SGMS2: variants seen among roughly 807,000 people sequenced by gnomAD.
SGMS2 encodes sphingomyelin synthase 2, also known as phosphatidylcholine:ceramide cholinephosphotransferase 2.
In SGMS2, 21 loss-of-function variants were observed where a neutral mutation model predicts 43.8. That is an observed-to-expected ratio of 0.48 (90% confidence interval 0.34 to 0.69). SGMS2 has a LOEUF of 0.69. SGMS2 is among the 30% of genes least tolerant of loss of function. SGMS2 has a pLI of 0.01. For synonymous variants in SGMS2, 167 were observed against 160.6 expected, an observed-to-expected ratio of 1.04 and a Z score of -0.30; for missense variants, 384 against 443.2, an observed-to-expected ratio of 0.87 and a Z score of 1.20.
intron 2 of SGMS2, among the ~76,000 whole-genome samples, chr4:107,892,372 ATAG>A (rs1165025988): frequency 1.3e-5 from 2 of 152,102 alleles, no homozygotes; most frequent in Non-Finnish European, 2.9e-5. Context: ...AGCCATAAAG[ATAG>A]CCCAAGGTTG....
rs1212002279 is a variant in SGMS2 at position 107,885,690 on chromosome 4, C to G, written c.-244-9620C>G. On this transcript the variant is annotated intron_variant, in intron 2 of 6. Coordinates refer to ENST00000690982, the MANE Select transcript of SGMS2 (RefSeq NM_001375905.1). Reference sequence around the variant, plus strand: ...TGAAAACAAAACAGGCAGGTAATGACTAAAAGGCAGAAAAGAATATATATG... The same window carrying G: ...TGAAAACAAAACAGGCAGGTAATGAGTAAAAGGCAGAAAAGAATATATATG... Among the ~76,000 whole-genome samples the G allele has an allele frequency of 3.3e-5, 5 of 152,098 alleles. No individual in the cohort carries two copies. In the East Asian group the frequency reaches 9.6e-4, roughly 29 times the overall value.
chr4:107,875,811 G>C (rs1560652977), intron 2 of SGMS2, among the ~76,000 whole-genome samples: 1 of 152,144 alleles, frequency 6.6e-6, no homozygotes, highest in South Asian at 2.1e-4. Flanking sequence ...AGGATTTACA[G>C]TCCTTTCTGG....
At position 107,861,039 on chromosome 4, in the gene SGMS2, G is replaced by A. The variant is rs75935803; in HGVS notation, c.-245+2486G>A. On this transcript the variant is annotated intron_variant, in intron 2 of 6. Coordinates refer to ENST00000690982, the MANE Select transcript of SGMS2 (RefSeq NM_001375905.1). ...TTTCTCCAACCAGACTGCAAGCTTT[G>A]TGAGGCCAGGGACTAGGTCGGTCTC... 5.2e-3 allele frequency among the ~76,000 whole-genome samples: 791 copies of A among 152,294 alleles called. 8 individuals are homozygous for A. Among genetic ancestry groups the A allele is most frequent in the African/African-American group, 0.018 (750 of 41,562 alleles).
At chr4:107,862,846 A>G (rs1419740767) in intron 2 of SGMS2, among the ~76,000 whole-genome samples, 1 of 152,196 alleles carries the variant, frequency 6.6e-6, no homozygotes, top group Non-Finnish European at 1.5e-5. Flanking sequence ...AGTGATTCAG[A>G]TGTTCTGAAC....
At chr4:107,886,610 T>G (rs1461136467) in intron 2 of SGMS2, 1 of 152,016 alleles carries the variant, frequency 6.6e-6, no homozygotes, top group Non-Finnish European at 1.5e-5. Flanking sequence ...CCTCTTGAGG[T>G]TCTAAGATAA....
At position 107,895,590 on chromosome 4, in the gene SGMS2, T is replaced by A; in HGVS notation, c.37T>A (p.Leu13Met). The change falls in exon 3 of 7, where the codon TTG becomes ATG. Residue 13 changes from leucine (L) to methionine (M), a missense_variant. Coordinates refer to ENST00000690982, the MANE Select transcript of SGMS2 (RefSeq NM_001375905.1). Reference protein sequence around the residue: ...IIETAKLEEHLENQPSDPTNT... With the variant: ...IIETAKLEEHMENQPSDPTNT... ...AGAGACAGCAAAACTTGAAGAACAT[T>A]TGGAAAATCAACCCAGTGATCCTAC... The A allele has an allele frequency of 6.2e-7, 1 of 1,613,798 alleles. No homozygotes were observed. The highest frequency in any genetic ancestry group is 8.5e-7 in the Non-Finnish European group (1 of 1,179,870).
At chr4:107,853,664 C>T (rs1727275497) in intron 1 of SGMS2, among the ~76,000 whole-genome samples, 1 of 152,154 alleles carries the variant, frequency 6.6e-6, no homozygotes, top group South Asian at 2.1e-4. Flanking sequence ...GGGAGTTAGT[C>T]AGTGAACAAA....
intron 2 of SGMS2, among the ~76,000 whole-genome samples, chr4:107,894,747 T>C (rs1730520992): frequency 6.6e-6 from 1 of 152,180 alleles, no homozygotes; most frequent in Non-Finnish European, 1.5e-5. Context: ...GCTGTGCCAT[T>C]TTAAAAATCT....
chr4:107,900,218 T>G (rs1305612964), intron 4 of SGMS2, among the ~76,000 whole-genome samples: 1 of 152,130 alleles, frequency 6.6e-6, no homozygotes, highest in African/African-American at 2.4e-5. Context: ...ACGAGGCATT[T>G]GGGCAGGAAC....
chr4:107,837,450 G>A (rs954097227), intron 1 of SGMS2, among the ~76,000 whole-genome samples: 4 of 152,150 alleles, frequency 2.6e-5, no homozygotes, highest in Non-Finnish European at 4.4e-5. Context: ...GGGAAAAAGC[G>A]TGATTACACA....
chr4:107,899,638 A>G lies in SGMS2; in HGVS notation c.519A>G (p.Thr173=), dbSNP rs1219895110. 1.2e-6 allele frequency: 2 copies of G among 1,613,124 alleles called. No homozygotes were observed. Among genetic ancestry groups the G allele is most frequent in the East Asian group, 2.2e-5 (1 of 44,796 alleles). ...CTTTATACCTGTATCGCTGCATTAC[A>G]ATGTATGTTACTACTCTACCTGTGC... ...IGTLYLYRCI[T]MYVTTLPVPG... Residue 173 remains threonine, a synonymous_variant, in exon 4 of 7, where the codon ACA becomes ACG. Coordinates refer to ENST00000690982, the MANE Select transcript of SGMS2 (RefSeq NM_001375905.1).
At chr4:107,867,636 CTG>C (rs1476505875) in intron 2 of SGMS2, 1 of 152,170 alleles carries the variant, frequency 6.6e-6, no homozygotes, top group Non-Finnish European at 1.5e-5. Context: ...CTTGATATCT[CTG>C]TGCTCATCTG....
intron 2 of SGMS2, among the ~76,000 whole-genome samples, chr4:107,879,108 A>ATTTTT (rs373759605): frequency 2.1e-5 from 3 of 142,292 alleles, no homozygotes; most frequent in Non-Finnish European, 1.5e-5. Flanking sequence ...CTACCTGGCC[A>ATTTTT]TTTTTTTTTT....
chr4:107,869,901 T>C (rs1728430032), intron 2 of SGMS2, among the ~76,000 whole-genome samples: 1 of 152,168 alleles, frequency 6.6e-6, no homozygotes, highest in African/African-American at 2.4e-5. Flanking sequence ...TAGGGAGCCA[T>C]TTAAGGTCTT....
intron 2 of SGMS2, among the ~76,000 whole-genome samples, chr4:107,885,220 T>C (rs1729654460): frequency 1.5e-5 from 2 of 137,256 alleles, no homozygotes; most frequent in Admixed American, 1.4e-4. Flanking sequence ...TGCTAGTGTT[T>C]TGTTACATTT....
rs1475153423 is a variant in SGMS2, at chr4:107,912,454, G to C, written c.*1901G>C. Reference sequence around the variant, plus strand: ...TTCGCTTATATTCATTTATTAACTAGCAACACTTGTGCAAGAACAAGGTAT... The same window carrying C: ...TTCGCTTATATTCATTTATTAACTACCAACACTTGTGCAAGAACAAGGTAT... On this transcript the variant is annotated 3_prime_UTR_variant, in exon 7 of 7. Coordinates refer to ENST00000690982, the MANE Select transcript of SGMS2 (RefSeq NM_001375905.1). The C allele has an allele frequency of 1.3e-5, 2 of 152,008 alleles. No homozygotes were observed. The highest frequency in any genetic ancestry group is 1.3e-4 in the Admixed American group (2 of 15,240). The allele number at this position is 152,008 out of a possible 1,614,324, so 9.4% of individuals were successfully genotyped here.
rs147262789 is a variant in SGMS2 at position 107,863,619 on chromosome 4, T to G, written c.-245+5066T>G. 2.8e-4 allele frequency: 43 copies of G among 152,344 alleles called. 1 individual carries two copies. The highest frequency in any genetic ancestry group is 9.4e-4 in the African/African-American group (39 of 41,576). The allele number at this position is 152,344 out of a possible 1,614,324, so 9.4% of individuals were successfully genotyped here. Reference sequence around the variant, plus strand: ...ATGTATCAAAAAATGACCTCAGGGTTATGCAGCGGAAAGGCCATGCGATCA... The same window carrying G: ...ATGTATCAAAAAATGACCTCAGGGTGATGCAGCGGAAAGGCCATGCGATCA... On this transcript the variant is annotated intron_variant, in intron 2 of 6. Transcript: ENST00000690982.
intron 2 of SGMS2, among the ~76,000 whole-genome samples, chr4:107,891,129 TC>T (rs34978742): frequency 0.73 from 109,736 of 150,744 alleles, 41,201 homozygotes; most frequent in African/African-American, 0.91. Flanking sequence ...GCTGTTTTTC[TC>T]CCCCCCATTA....
In SGMS2 at chr4:107,911,870, T is replaced by C. The variant is rs559759288; in HGVS notation, c.*1317T>C. ...TAGTGCATTATTTAATGCTATTGGA[T>C]CTTTTGGATAATTCTTGGCTTAATT... On this transcript the variant is annotated 3_prime_UTR_variant, in exon 7 of 7. Coordinates refer to ENST00000690982, the MANE Select transcript of SGMS2 (RefSeq NM_001375905.1). 1.6e-4 allele frequency: 24 copies of C among 151,764 alleles called. No individual in the cohort carries two copies. Among genetic ancestry groups the C allele is most frequent in the African/African-American group, 5.8e-4 (24 of 41,548 alleles). The allele number at this position is 151,764 out of a possible 1,614,324, so 9.4% of individuals were successfully genotyped here. A position where few individuals can be genotyped will look rare whatever the true frequency, so the allele number is the denominator to read the frequency against.
Sources: allele counts gnomAD v4.1 joint callset (sites outside exome capture counted in the v4.1 genomes callset), GRCh38; gene constraint gnomAD v4.1.1; transcripts MANE v1.5; gene names NCBI Gene and HGNC (gene_info 2026-07-23, HGNC 2026-07-21).